Variants in MALRD1 observed in about 807,000 individuals in gnomAD.
The protein encoded by MALRD1 is MAM and LDL receptor class A domain containing 1.
In MALRD1, 247 loss-of-function variants were observed where a neutral mutation model predicts 242.1. The observed-to-expected ratio is 1.02, with a 90% CI of 0.92 to 1.13. The LOEUF is 1.13. Ranked by LOEUF, MALRD1 falls within the 50% of genes most tolerant of loss-of-function variation. The probability of loss-of-function intolerance (pLI) is 0.00; values close to 1 mark genes in which losing one functional copy is unlikely to be tolerated. For synonymous variants in MALRD1, 995 were observed against 866.6 expected (o/e 1.15, Z -2.60); for missense variants, 2,989 against 2,533.1 (o/e 1.18, Z -3.86).
At chr10:19,287,699 A>G (rs1001418991) in intron 21 of MALRD1, among the ~76,000 whole-genome samples, 5 of 152,134 alleles carry the variant, frequency 3.3e-5, no homozygotes, top group African/African-American at 1.2e-4. Flanking sequence ...TTGCATACAT[A>G]AATTTAAAAA....
intron 28 of MALRD1, among the ~76,000 whole-genome samples, chr10:19,431,587 CA>C (rs1265144755): frequency 6.6e-6 from 1 of 152,180 alleles, no homozygotes; most frequent in Non-Finnish European, 1.5e-5. Context: ...TAGCACTCCT[CA>C]AAAGACTTTT....
intron 21 of MALRD1, among the ~76,000 whole-genome samples, chr10:19,310,394 C>G (rs932467605): frequency 1.3e-5 from 2 of 151,268 alleles, no homozygotes; most frequent in Admixed American, 6.6e-5. Flanking sequence ...GTGATACATT[C>G]GTGGTGTAAA....
At chr10:19,730,572 G>A in intron 38 of MALRD1, 134 bp from the exon 39 acceptor site, 1 of 913,060 alleles carries the variant, frequency 1.1e-6, no homozygotes, top group Non-Finnish European at 1.7e-6. Flanking sequence ...TTTACTTATG[G>A]TAATACATTC....
At chr10:19,451,792 C>T (rs1835342091) in intron 29 of MALRD1, among the ~76,000 whole-genome samples, 1 of 152,052 alleles carries the variant, frequency 6.6e-6, no homozygotes, top group African/African-American at 2.4e-5. Flanking sequence ...CTTCGAATTC[C>T]CTCTCCTCCA....
At chr10:19,059,028 G>A (rs1464115077) in intron 1 of MALRD1, among the ~76,000 whole-genome samples, 1 of 152,050 alleles carries the variant, frequency 6.6e-6, no homozygotes, top group Non-Finnish European at 1.5e-5. Flanking sequence ...AACAAAATGA[G>A]TTCATGCAAA....
At chr10:19,139,555 T>C (rs1564417673) in intron 10 of MALRD1, among the ~76,000 whole-genome samples, 1 of 152,202 alleles carries the variant, frequency 6.6e-6, no homozygotes, top group Non-Finnish European at 1.5e-5. Flanking sequence ...CTCGTGAGGA[T>C]TGTCAGTTGG....
intron 28 of MALRD1, among the ~76,000 whole-genome samples, chr10:19,392,344 T>C (rs1466323112): frequency 1.3e-5 from 2 of 152,198 alleles, no homozygotes; most frequent in Non-Finnish European, 2.9e-5. Context: ...ATTTGTTTAC[T>C]CCCAACCCTG....
intron 33 of MALRD1, among the ~76,000 whole-genome samples, chr10:19,593,456 C>T (rs1313906172): frequency 2.0e-5 from 3 of 152,154 alleles, no homozygotes; most frequent in East Asian, 1.9e-4. Flanking sequence ...ATCATCTTTA[C>T]ATATAACACA....
intron 28 of MALRD1, among the ~76,000 whole-genome samples, chr10:19,447,733 G>A: frequency 1.0e-5 from 1 of 99,774 alleles, no homozygotes; most frequent in South Asian, 3.1e-4. Flanking sequence ...CTAGGAGTCA[G>A]ATAGACCACC....
At chr10:19,487,486 A>T (rs1327255931) in intron 29 of MALRD1, among the ~76,000 whole-genome samples, 4 of 150,886 alleles carry the variant, frequency 2.7e-5, no homozygotes, top group Non-Finnish European at 5.9e-5. Flanking sequence ...GAAAGAAAAT[A>T]ACCCTTATTT....
intron 31 of MALRD1, among the ~76,000 whole-genome samples, chr10:19,508,484 A>G (rs1833245181): frequency 6.6e-6 from 1 of 152,198 alleles, no homozygotes; most frequent in Non-Finnish European, 1.5e-5. Context: ...AAATTTTCTG[A>G]CTCAAAACAC....
intron 21 of MALRD1, among the ~76,000 whole-genome samples, chr10:19,292,374 G>C (rs890719782): frequency 1.4e-4 from 22 of 152,086 alleles, no homozygotes; most frequent in Non-Finnish European, 2.6e-4. Context: ...TTAAAATGTT[G>C]TGGATTTGCT....
intron 21 of MALRD1, among the ~76,000 whole-genome samples, chr10:19,313,333 A>C (rs1842510491): frequency 6.6e-6 from 1 of 151,420 alleles, no homozygotes; most frequent in Admixed American, 6.6e-5. Context: ...GAAAATATTA[A>C]GCAATTAACT....
At chr10:19,595,514 A>T in intron 34 of MALRD1, 57 bp downstream of exon 34, 13 of 1,492,470 alleles carry the variant, frequency 8.7e-6, no homozygotes, top group Non-Finnish European at 1.2e-5. Context: ...TTAAAATGAG[A>T]AAGAAAGCTC....
chr10:19,266,554 T>C (rs985213655), intron 19 of MALRD1, among the ~76,000 whole-genome samples: 4 of 151,800 alleles, frequency 2.6e-5, no homozygotes. Flanking sequence ...TTTATATTTA[T>C]AATATTTAAA....
intron 7 of MALRD1, among the ~76,000 whole-genome samples, chr10:19,126,721 A>G (rs1373661074): frequency 6.7e-6 from 1 of 149,366 alleles, no homozygotes; most frequent in East Asian, 1.9e-4. Flanking sequence ...ATTTTTTTTT[A>G]TTTTTTGGGG....
chr10:19,237,652 AATTATATATAAATTATATAAT>A (rs1344708957), intron 18 of MALRD1, among the ~76,000 whole-genome samples: 4 of 107,708 alleles, frequency 3.7e-5, no homozygotes, highest in African/African-American at 1.5e-4. Context: ...AAATTATTAT[AATTATATATAAATTATATAAT>A]TATATATAAT....
At chr10:19,103,371 C>G (rs11008488) in intron 4 of MALRD1, among the ~76,000 whole-genome samples, 1 of 151,644 alleles carries the variant, frequency 6.6e-6, no homozygotes, top group Non-Finnish European at 1.5e-5. Flanking sequence ...ACCATCCTAG[C>G]TAACACGGTG....
intron 24 of MALRD1, among the ~76,000 whole-genome samples, chr10:19,334,599 G>A (rs1325121449): frequency 6.6e-6 from 1 of 151,908 alleles, no homozygotes; most frequent in Non-Finnish European, 1.5e-5. Context: ...AGATATAGAT[G>A]TCCTTTTAAA....
Sources: gnomAD v4.1 joint callset for allele counts (sites outside exome capture counted in the v4.1 genomes callset) on GRCh38, gnomAD v4.1.1 for gene constraint, MANE v1.5 for transcripts, NCBI Gene and HGNC (gene_info 2026-07-23, HGNC 2026-07-21) for gene names.